ECT2L: variants seen among roughly 807,000 people sequenced by gnomAD.
ECT2L encodes epithelial cell transforming 2 like.
ECT2L carries 126 observed loss-of-function variants against 122.8 expected under a neutral mutation model. That is an observed-to-expected ratio of 1.03 (90% confidence interval 0.89 to 1.19). The LOEUF (loss-of-function observed/expected upper bound fraction) is 1.19, where lower values mean the gene tolerates loss of function less well. Among genes scored for constraint, ECT2L ranks in the 50% most tolerant of loss-of-function variants. The probability of loss-of-function intolerance (pLI) is 0.00; values close to 1 mark genes in which losing one functional copy is unlikely to be tolerated. For missense variants in ECT2L, 1,012 were observed against 1,064.1 expected (o/e 0.95, Z 0.68); for synonymous variants, 385 against 381.8 (o/e 1.01, Z -0.10).
chr6:138,903,081 G>A lies in ECT2L; in HGVS notation c.*454G>A, dbSNP rs1159427310. The A allele has an allele frequency of 6.2e-6, 1 of 161,876 alleles. No homozygotes were observed. Among genetic ancestry groups the A allele is most frequent in the Non-Finnish European group, 1.3e-5 (1 of 75,246 alleles). 10.0% of individuals were successfully genotyped at this position (161,876 alleles called of 1,614,324 possible). On this transcript the variant is annotated 3_prime_UTR_variant, in exon 22 of 22. Transcript: ENST00000541398. ...GATTTAAAATATGGATAAGAGGGCT[G>A]GGCATGATGACTCACGCCTGTAATC...
chr6:138,823,647 A>G lies in ECT2L; in HGVS notation c.179+9044A>G, dbSNP rs555713099. On this transcript the variant is annotated intron_variant, in intron 4 of 21. Coordinates refer to ENST00000541398, the MANE Select transcript of ECT2L (RefSeq NM_001077706.3). Reference sequence around the variant, plus strand: ...ACTCTTTCACAGCTGCCTCAACCCAATCCTTTATGTTTTTATGGGAGCATC... The same window carrying G: ...ACTCTTTCACAGCTGCCTCAACCCAGTCCTTTATGTTTTTATGGGAGCATC... 8 of 1,424,400 alleles carry G rather than the reference A, an allele frequency of 5.6e-6. No homozygotes were observed. The South Asian group carries it at 5.9e-5, about 10-fold the overall frequency. 88.2% of individuals were successfully genotyped at this position (1,424,400 alleles called of 1,614,324 possible).
chr6:138,858,645 C>G (rs938685248), intron 10 of ECT2L, among the ~76,000 whole-genome samples: 9 of 150,836 alleles, frequency 6.0e-5, no homozygotes, highest in African/African-American at 2.0e-4. Context: ...CAACCTGAGG[C>G]AGCCACTGGT....
chr6:138,874,744 C>A (rs1429993761), intron 13 of ECT2L, among the ~76,000 whole-genome samples: 1 of 152,112 alleles, frequency 6.6e-6, no homozygotes, highest in African/African-American at 2.4e-5. Context: ...CTTGGCCCAA[C>A]CTGAGAGTTT....
At chr6:138,796,601 G>A (rs1775352594) in intron 1 of ECT2L, among the ~76,000 whole-genome samples, 2 of 152,108 alleles carry the variant, frequency 1.3e-5, no homozygotes, top group South Asian at 4.1e-4. Context: ...GGAGTAGGGT[G>A]GGGGCTGGGT....
At position 138,885,798 on chromosome 6, in the gene ECT2L, C is replaced by T. The variant is rs199963616; in HGVS notation, c.2227C>T (p.Gln743Ter). The change falls in exon 18 of 22, where the codon CAA becomes TAA. Residue 743 changes from glutamine to a stop codon, truncating the protein, a stop_gained. Transcript: ENST00000541398. LOFTEE classifies it high-confidence loss of function. ...TGGGGACTTGACCACTGCAATTGAC[C>T]AAATCAAAAAATATAAAGGTTATAT... Reference protein sequence around the residue: ...DRGDLTTAIDQIKKYKGYIDQ... With the variant: ...DRGDLTTAID 2,545 of 1,613,078 alleles carry T rather than the reference C, an allele frequency of 1.6e-3. 5 individuals carry two copies. Among genetic ancestry groups the T allele is most frequent in the Non-Finnish European group, 2.0e-3 (2,349 of 1,179,668 alleles).
intron 4 of ECT2L, among the ~76,000 whole-genome samples, chr6:138,826,782 G>C (rs1007779221): frequency 6.6e-6 from 1 of 152,078 alleles, no homozygotes; most frequent in African/African-American, 2.4e-5. Context: ...TTTGGGTCAC[G>C]GGGGGCAGAT....
chr6:138,892,433 T>C (rs1471753711), intron 20 of ECT2L, among the ~76,000 whole-genome samples: 1 of 152,162 alleles, frequency 6.6e-6, no homozygotes, highest in Non-Finnish European at 1.5e-5. Context: ...CTCTACTATA[T>C]CTGAGCCTAG....
At chr6:138,873,890 G>GTGTGTGTGTGTGTGTGTGTGTGTGTA (rs1778347242) in intron 13 of ECT2L, among the ~76,000 whole-genome samples, 3 of 130,728 alleles carry the variant, frequency 2.3e-5, no homozygotes, top group African/African-American at 5.8e-5. Flanking sequence ...GTGTGTGTGT[G>GTGTGTGTGTGTGTGTGTGTGTGTGTA]TGTGTGTGTG....
At chr6:138,815,958 C>T (rs1405354556) in intron 4 of ECT2L, among the ~76,000 whole-genome samples, 1 of 152,192 alleles carries the variant, frequency 6.6e-6, no homozygotes, top group Non-Finnish European at 1.5e-5. Context: ...AGATTGTTAA[C>T]GGACTCTCCC....
chr6:138,824,554 A>C (rs201969232), intron 4 of ECT2L, among the ~76,000 whole-genome samples: 1 of 65,010 alleles, frequency 1.5e-5, no homozygotes, highest in South Asian at 6.6e-4. Context: ...AAAAAAAAAA[A>C]CTATAAAAAA....
At chr6:138,817,374 T>C (rs1776105103) in intron 4 of ECT2L, among the ~76,000 whole-genome samples, 1 of 152,226 alleles carries the variant, frequency 6.6e-6, no homozygotes, top group South Asian at 2.1e-4. Flanking sequence ...TTTATTCCTG[T>C]AGTCTTGCTT....
chr6:138,825,684 T>A (rs1266450412), intron 4 of ECT2L, among the ~76,000 whole-genome samples: 3 of 152,260 alleles, frequency 2.0e-5, no homozygotes, highest in Non-Finnish European at 4.4e-5. Context: ...TTTACACTTC[T>A]GTGCATTCGT....
chr6:138,808,623 C>A (rs1358299325), intron 1 of ECT2L, among the ~76,000 whole-genome samples: 1 of 151,980 alleles, frequency 6.6e-6, no homozygotes, highest in African/African-American at 2.4e-5. Context: ...ACTTGCCAAG[C>A]TTGTGTATTA....
At chr6:138,822,928 T>A in intron 4 of ECT2L, 15 of 1,613,766 alleles carry the variant, frequency 9.3e-6, no homozygotes, top group Non-Finnish European at 1.2e-5. Context: ...GGCAATTCCA[T>A]GGTAGTGGCA....
At chr6:138,878,802 T>C (rs1778552657) in intron 14 of ECT2L, 1 of 152,310 alleles carries the variant, frequency 6.6e-6, no homozygotes, top group South Asian at 2.1e-4. Flanking sequence ...TTGATGTTGA[T>C]GGTATACCAT....
Position 138,862,561 on chromosome 6 carries a change from C to T in ECT2L, c.1199-66C>T. ...ATGAGATTTGGAGGGAACAAATATC[C>T]AAGTTATATGATCTTCCATGGCAAA... On this transcript the variant is annotated intron_variant, in intron 10 of 21. Transcript: ENST00000541398. The T allele has an allele frequency of 2.7e-6, 4 of 1,461,914 alleles. No individual in the cohort carries two copies. The South Asian group carries it at 4.6e-5, about 17-fold the overall frequency. The allele number at this position is 1,461,914 out of a possible 1,614,324, so 90.6% of individuals were successfully genotyped here.
chr6:138,819,250 AAGG>A (rs57067437), intron 4 of ECT2L, among the ~76,000 whole-genome samples: 57,548 of 148,944 alleles, frequency 0.39, 11,368 homozygotes, highest in South Asian at 0.59. Context: ...AAAAAAAAAA[AAGG>A]AAATCATTGC....
At chr6:138,799,523 G>A (rs1775462005) in intron 1 of ECT2L, among the ~76,000 whole-genome samples, 1 of 152,004 alleles carries the variant, frequency 6.6e-6, no homozygotes, top group East Asian at 1.9e-4. Context: ...CCAAAGTGCT[G>A]GGATTGCAGG....
At chr6:138,876,218 A>G (rs1045560250) in intron 13 of ECT2L, among the ~76,000 whole-genome samples, 2 of 152,184 alleles carry the variant, frequency 1.3e-5, no homozygotes, top group African/African-American at 2.4e-5. Flanking sequence ...CTGGCTCCCA[A>G]GGAAGAGGGA....
Sources: gnomAD v4.1 joint callset for allele counts (sites outside exome capture counted in the v4.1 genomes callset) on GRCh38, gnomAD v4.1.1 for gene constraint, MANE v1.5 for transcripts, NCBI Gene and HGNC (gene_info 2026-07-23, HGNC 2026-07-21) for gene names.